Variants in SPAG16 observed in about 807,000 individuals in gnomAD.
SPAG16 encodes the protein sperm-associated antigen 16 protein.
In SPAG16, 86 loss-of-function variants were observed where a neutral mutation model predicts 80.4. The ratio of observed to expected loss-of-function variants is 1.07; its 90% confidence interval spans 0.90 to 1.28. SPAG16 has a LOEUF of 1.28. SPAG16 is among the 50% of genes most tolerant of loss of function. The pLI, the probability that SPAG16 is intolerant of heterozygous loss-of-function variation, is 0.00. For missense variants in SPAG16, 870 were observed against 765.3 expected (o/e 1.14, Z -1.61); for synonymous variants, 294 against 265.9 (o/e 1.11, Z -1.03).
At chr2:213,782,192 TA>T (rs1305729958) in intron 10 of SPAG16, among the ~76,000 whole-genome samples, 9 of 149,526 alleles carry the variant, frequency 6.0e-5, no homozygotes, top group Non-Finnish European at 1.2e-4. Context: ...TTTTTTTTTT[TA>T]AATAATAAAA....
intron 10 of SPAG16, among the ~76,000 whole-genome samples, chr2:213,636,258 G>C (rs1283824272): frequency 2.0e-5 from 3 of 152,138 alleles, no homozygotes; most frequent in African/African-American, 7.2e-5. Context: ...TCAGTTGGCT[G>C]TAAGTATTTG....
Position 213,648,907 on chromosome 2 carries a change from A to G in SPAG16, c.1070+158817A>G, listed in dbSNP as rs79635870. On this transcript the variant is annotated intron_variant, in intron 10 of 15. Transcript: ENST00000331683. Reference sequence around the variant, plus strand: ...AATCCTGTGGCCACAATGAAAGGATATGGCTGACAGACCCTACCATAACCA... The same window carrying G: ...AATCCTGTGGCCACAATGAAAGGATGTGGCTGACAGACCCTACCATAACCA... Among the ~76,000 whole-genome samples the G allele has an allele frequency of 4.7e-3, 719 of 152,314 alleles. 6 individuals are homozygous for G. Among genetic ancestry groups the G allele is most frequent in the African/African-American group, 0.016 (684 of 41,564 alleles).
intron 12 of SPAG16, among the ~76,000 whole-genome samples, chr2:213,974,964 A>AAAAC (rs1479884791): frequency 1.4e-5 from 2 of 147,590 alleles, no homozygotes; most frequent in East Asian, 3.9e-4. Context: ...AAAAAAAAAA[A>AAAAC]ACACAAAATG....
At chr2:214,150,543 A>G (rs1361225416) in intron 15 of SPAG16, among the ~76,000 whole-genome samples, 1 of 152,094 alleles carries the variant, frequency 6.6e-6, no homozygotes, top group Non-Finnish European at 1.5e-5. Context: ...CATTGACACC[A>G]TAGCTCTAAA....
chr2:213,888,283 A>C (rs2076645484), intron 11 of SPAG16, among the ~76,000 whole-genome samples: 1 of 151,810 alleles, frequency 6.6e-6, no homozygotes. Flanking sequence ...TATAAGTTAT[A>C]TTTTCTGACA....
intron 10 of SPAG16, among the ~76,000 whole-genome samples, chr2:213,619,139 T>G (rs1275621752): frequency 6.6e-6 from 1 of 152,150 alleles, no homozygotes. Flanking sequence ...GGAAGGATGA[T>G]AGGTATCAGA....
rs551799524 is a variant in SPAG16, at chr2:214,173,455, A to AT, written c.1720+24190dup. On this transcript the variant is annotated intron_variant, in intron 15 of 15. Transcript: ENST00000331683. Reference sequence around the variant, plus strand: ...GGGCTCTGTTCTGTTCCATTGATCTATATCTCTGTTTTGGTACCAGTACCA... The same window carrying AT: ...GGGCTCTGTTCTGTTCCATTGATCTATTATCTCTGTTTTGGTACCAGTACCA... Among the ~76,000 whole-genome samples the AT allele has an allele frequency of 9.9e-5, 15 of 152,108 alleles. No individual in the cohort carries two copies. The East Asian group carries it at 2.9e-3, about 30-fold the overall frequency.
chr2:213,907,723 A>G (rs1234645979), intron 11 of SPAG16, among the ~76,000 whole-genome samples: 3 of 152,178 alleles, frequency 2.0e-5, no homozygotes, highest in Non-Finnish European at 4.4e-5. Flanking sequence ...TCACAGCAAC[A>G]TGTATGAGCC....
chr2:213,653,744 T>C (rs2063111155), intron 10 of SPAG16, among the ~76,000 whole-genome samples: 2 of 152,210 alleles, frequency 1.3e-5, no homozygotes, highest in Non-Finnish European at 2.9e-5. Flanking sequence ...TCATTATTTT[T>C]TTCCTTTGGA....
In SPAG16 at chr2:213,850,323, A is replaced by G. The variant is rs1257790933; in HGVS notation, c.1071-12162A>G. Among the ~76,000 whole-genome samples the G allele has an allele frequency of 2.0e-5, 3 of 152,374 alleles. No homozygotes were observed. In the East Asian group the frequency reaches 5.8e-4, roughly 29 times the overall value. On this transcript the variant is annotated intron_variant, in intron 10 of 15. Coordinates refer to ENST00000331683, the MANE Select transcript of SPAG16 (RefSeq NM_024532.5). The stretch of plus-strand genomic sequence containing the variant: ...GCACTACTATAACAAAGGCATGTTA[A>G]TAAGAGAAAAGCAAAACAAATTTGT...
chr2:214,017,343 A>G (rs1331504263), intron 13 of SPAG16, among the ~76,000 whole-genome samples: 1 of 152,182 alleles, frequency 6.6e-6, no homozygotes, highest in East Asian at 1.9e-4. Flanking sequence ...TGAACTAAAA[A>G]CTTAGATGTG....
chr2:213,422,853 G>A (rs2069682390), intron 9 of SPAG16, among the ~76,000 whole-genome samples: 1 of 152,178 alleles, frequency 6.6e-6, no homozygotes, highest in Admixed American at 6.5e-5. Flanking sequence ...TGACATCCAA[G>A]CCTTAGCCTC....
chr2:213,843,546 G>T (rs2074467500), intron 10 of SPAG16, among the ~76,000 whole-genome samples: 1 of 152,064 alleles, frequency 6.6e-6, no homozygotes, highest in Admixed American at 6.6e-5. Context: ...TTCTAATGCA[G>T]AGAGTCAATA....
chr2:213,882,660 A>G (rs1261313815), intron 11 of SPAG16, among the ~76,000 whole-genome samples: 1 of 152,120 alleles, frequency 6.6e-6, no homozygotes, highest in Non-Finnish European at 1.5e-5. Context: ...CATATTTGTT[A>G]TACCTGATTG....
chr2:214,034,518 C>T (rs1442256100), intron 13 of SPAG16, among the ~76,000 whole-genome samples: 2 of 152,188 alleles, frequency 1.3e-5, no homozygotes, highest in African/African-American at 4.8e-5. Context: ...GGATTGCATG[C>T]CTGCCAAGGG....
intron 15 of SPAG16, among the ~76,000 whole-genome samples, chr2:214,190,335 A>G (rs968933250): frequency 1.3e-5 from 2 of 152,092 alleles, no homozygotes; most frequent in South Asian, 2.1e-4. Flanking sequence ...TGGAATTTAT[A>G]TAGGAGAAAT....
chr2:214,334,267 G>A lies in SPAG16; in HGVS notation c.1721-75873G>A, dbSNP rs183319560. Among the ~76,000 whole-genome samples the A allele has an allele frequency of 4.7e-3, 713 of 152,266 alleles. 2 individuals are homozygous for A. Among genetic ancestry groups the A allele is most frequent in the Middle Eastern group, 0.02 (6 of 294 alleles). On this transcript the variant is annotated intron_variant, in intron 15 of 15. Transcript: ENST00000331683. ...GGAGCTATAGATAGATCCTGAGGGG[G>A]GCACATATTGCCTTGCAAGACTCAG...
At chr2:214,243,084 G>A (rs192910086) in intron 15 of SPAG16, among the ~76,000 whole-genome samples, 5 of 152,176 alleles carry the variant, frequency 3.3e-5, no homozygotes, top group African/African-American at 9.6e-5. Context: ...TTATAGAAGT[G>A]GTAACTAAGT....
chr2:213,924,234 T>C (rs2078358531), intron 11 of SPAG16, among the ~76,000 whole-genome samples: 1 of 152,190 alleles, frequency 6.6e-6, no homozygotes, highest in African/African-American at 2.4e-5. Context: ...TTGGACTTGA[T>C]AGTTGCCCCT....
Sources: allele counts gnomAD v4.1 joint callset (sites outside exome capture counted in the v4.1 genomes callset), GRCh38; gene constraint gnomAD v4.1.1; transcripts MANE v1.5; gene names NCBI Gene and HGNC (gene_info 2026-07-23, HGNC 2026-07-21).